The following ADAT1 variants were observed in gnomAD, a reference collection of about 807,000 sequenced individuals.
The protein encoded by ADAT1 is tRNA-specific adenosine deaminase 1.
In ADAT1, 58 loss-of-function variants were observed where a neutral mutation model predicts 58.6. The ratio of observed to expected loss-of-function variants is 0.99; its 90% CI spans 0.80 to 1.23. ADAT1 has a LOEUF of 1.23. Ranked by LOEUF, ADAT1 falls within the 50% of genes most tolerant of loss-of-function variation. ADAT1 has a pLI of 0.00. For synonymous variants in ADAT1, 254 were observed against 220.8 expected (o/e 1.15, Z -1.33); for missense variants, 741 against 608.6 (o/e 1.22, Z -2.29).
At chr16:75,606,681 C>A (rs2081381276) in intron 8 of ADAT1, among the ~76,000 whole-genome samples, 1 of 152,214 alleles carries the variant, frequency 6.6e-6, no homozygotes, top group Non-Finnish European at 1.5e-5. Context: ...TAATGGACTG[C>A]AATTTCATAA....
intron 5 of ADAT1, among the ~76,000 whole-genome samples, chr16:75,613,545 G>A (rs970388510): frequency 1.3e-5 from 2 of 152,020 alleles, no homozygotes; most frequent in Non-Finnish European, 2.9e-5. Context: ...TCCTGACCTC[G>A]AGTGATCCGC....
intron 1 of ADAT1, among the ~76,000 whole-genome samples, chr16:75,621,924 G>A (rs902632188): frequency 5.9e-5 from 9 of 152,208 alleles, no homozygotes; most frequent in African/African-American, 2.2e-4. Flanking sequence ...GGGCGCGGTG[G>A]CTCACCTGAG....
intron 5 of ADAT1, among the ~76,000 whole-genome samples, chr16:75,613,601 G>A (rs1238882214): frequency 1.3e-5 from 2 of 152,124 alleles, no homozygotes; most frequent in Non-Finnish European, 2.9e-5. Context: ...GTGAGCCAGC[G>A]TGCCCGGCCA....
intron 5 of ADAT1, among the ~76,000 whole-genome samples, chr16:75,615,184 GAA>G (rs11383665): frequency 7.6e-6 from 1 of 130,956 alleles, no homozygotes; most frequent in Non-Finnish European, 1.7e-5. Context: ...CCGAGATCGA[GAA>G]AAAAAAAAAA....
At chr16:75,615,135 G>C (rs1162427750) in intron 5 of ADAT1, among the ~76,000 whole-genome samples, 1 of 151,002 alleles carries the variant, frequency 6.6e-6, no homozygotes, top group African/African-American at 2.4e-5. Flanking sequence ...GCCAAGGCAG[G>C]AGAATCGCCT....
intron 6 of ADAT1, among the ~76,000 whole-genome samples, chr16:75,610,714 C>T (rs551918228): frequency 8.1e-4 from 123 of 152,308 alleles, no homozygotes; most frequent in Non-Finnish European, 1.6e-3. Context: ...CTGGCCATGG[C>T]TTTGCCCTGC....
intron 5 of ADAT1, among the ~76,000 whole-genome samples, chr16:75,615,090 G>A (rs541754407): frequency 6.6e-6 from 1 of 151,902 alleles, no homozygotes; most frequent in Admixed American, 6.6e-5. Flanking sequence ...AGCCGGGCGT[G>A]GTGGCGCATG....
chr16:75,608,403 C>CT, intron 7 of ADAT1, 80 bp from the exon 8 acceptor site: 1 of 1,253,830 alleles, frequency 8.0e-7, no homozygotes, highest in Non-Finnish European at 1.2e-6. Context: ...AAATATTTCT[C>CT]TGACTCTACA....
chr16:75,620,869 C>A, intron 1 of ADAT1, 49 bp from the exon 2 acceptor site: 1 of 1,495,834 alleles, frequency 6.7e-7, no homozygotes, highest in South Asian at 1.2e-5. Context: ...AGAACCAGTG[C>A]ACGATGCTAC....
intron 6 of ADAT1, 63 bp downstream of exon 6, chr16:75,612,180 G>A: frequency 1.3e-6 from 2 of 1,556,748 alleles, no homozygotes; most frequent in Non-Finnish European, 1.7e-6. Context: ...AATGCTCTTA[G>A]GCCTTACCCT....
intron 5 of ADAT1, among the ~76,000 whole-genome samples, chr16:75,613,287 G>T (rs2081606325): frequency 6.6e-6 from 1 of 152,132 alleles, no homozygotes; most frequent in African/African-American, 2.4e-5. Flanking sequence ...TTAGACCAGG[G>T]TTTCTCAACC....
chr16:75,613,921 G>A lies in ADAT1; in HGVS notation c.425-1060C>T, dbSNP rs372607814. 2.6e-5 allele frequency among the ~76,000 whole-genome samples: 4 copies of A among 152,242 alleles called. No individual in the cohort carries two copies. In the East Asian group the frequency reaches 7.8e-4, roughly 30 times the overall value. ...AAAGAAATTTGGCAGGCAGGGTGCG[G>A]TGGCTCATGCCTGTAATCCCAGCAC... is the stretch of plus-strand genomic sequence containing the variant. On this transcript the variant is annotated intron_variant, in intron 5 of 9. Transcript: ENST00000564657.
chr16:75,621,997 A>G (rs2081944927), intron 1 of ADAT1, among the ~76,000 whole-genome samples: 1 of 152,168 alleles, frequency 6.6e-6, no homozygotes, highest in East Asian at 1.9e-4. Flanking sequence ...AAAATACAAA[A>G]AAATTAGCCG....
chr16:75,622,401 A>C lies in ADAT1; in HGVS notation c.-22+2T>G, dbSNP rs1167998461. 1.3e-5 allele frequency: 2 copies of C among 152,066 alleles called. No homozygotes were observed. The highest frequency in any genetic ancestry group is 2.9e-5 in the Non-Finnish European group (2 of 68,000). The allele number at this position is 152,066 out of a possible 1,614,324, so 9.4% of individuals were successfully genotyped here. On this transcript the variant is annotated splice_donor_variant, in intron 1 of 9. Coordinates refer to ENST00000564657, the MANE Select transcript of ADAT1 (RefSeq NM_001324445.2). LOFTEE classifies it low-confidence loss of function (5UTR_SPLICE). ...TAGAATCCTCGTTTGGAAGGGACTC[A>C]CCTCTCATTTCTAGGGAGGCATCAC...
intron 8 of ADAT1, among the ~76,000 whole-genome samples, chr16:75,604,388 G>A (rs2081306297): frequency 1.5e-5 from 2 of 130,182 alleles, no homozygotes; most frequent in South Asian, 2.6e-4. Context: ...AGCCAAGACT[G>A]TCCCAGTGCC....
chr16:75,598,299 C>T lies in ADAT1; in HGVS notation c.*1917G>A. 3.2e-6 allele frequency: 1 copy of T among 316,126 alleles called. No homozygotes were observed. Among genetic ancestry groups the T allele is most frequent in the Non-Finnish European group, 6.4e-6 (1 of 156,096 alleles). The allele number at this position is 316,126 out of a possible 1,614,324, so 19.6% of individuals were successfully genotyped here. On this transcript the variant is annotated 3_prime_UTR_variant, in exon 10 of 10. Transcript: ENST00000564657. Reference sequence around the variant, plus strand: ...CCATGTTGGCCAGGATGGTCTTGATCTCCTGACGTCGTGATCTGCCCACCT... The same window carrying T: ...CCATGTTGGCCAGGATGGTCTTGATTTCCTGACGTCGTGATCTGCCCACCT...
At position 75,598,118 on chromosome 16, in the gene ADAT1, C is replaced by G. The variant is rs1386649339; in HGVS notation, c.*2098G>C. 6.0e-6 allele frequency: 1 copy of G among 165,342 alleles called. No individual in the cohort carries two copies. Among genetic ancestry groups the G allele is most frequent in the African/African-American group, 2.4e-5 (1 of 41,528 alleles). 10.2% of individuals were successfully genotyped at this position (165,342 alleles called of 1,614,324 possible). ...TTGAGATGGAGTCTTGCTCTGTCAC[C>G]CAGGCTAGAGTGCAGTGGCACGATC... On this transcript the variant is annotated 3_prime_UTR_variant, in exon 10 of 10. Coordinates refer to ENST00000564657, the MANE Select transcript of ADAT1 (RefSeq NM_001324445.2).
chr16:75,602,285 T>C (rs930758562), intron 9 of ADAT1, among the ~76,000 whole-genome samples: 3 of 152,228 alleles, frequency 2.0e-5, no homozygotes, highest in African/African-American at 7.2e-5. Context: ...TAGTTGGTGA[T>C]GCGCAGCAAT....
chr16:75,612,819 TG>T lies in ADAT1; in HGVS notation c.466del (p.Gln156SerfsTer16). 5 of 1,613,934 alleles carry T rather than the reference TG, an allele frequency of 3.1e-6. No homozygotes were observed. The highest frequency in any genetic ancestry group is 4.2e-6 in the Non-Finnish European group (5 of 1,179,984). ...ATTTCTGAAGACAGGACAGCAAGGC[TG>T]ATCTTCAAACTCAAGCATCGGAATG... ...SIIPMLEFED[Q>X]PCCPVFRNWA... On this transcript the variant is annotated frameshift_variant, in exon 6 of 10. Coordinates refer to ENST00000564657, the MANE Select transcript of ADAT1 (RefSeq NM_001324445.2). LOFTEE classifies it high-confidence loss of function.
Sources: allele counts gnomAD v4.1 joint callset (sites outside exome capture counted in the v4.1 genomes callset), GRCh38; gene constraint gnomAD v4.1.1; transcripts MANE v1.5; gene names NCBI Gene and HGNC (gene_info 2026-07-23, HGNC 2026-07-21).